Variants in XPA observed in about 807,000 individuals in gnomAD.
XPA encodes the protein DNA repair protein complementing XP-A cells.
XPA carries 27 observed loss-of-function variants against 35.7 expected under a neutral mutation model. The observed-to-expected ratio is 0.76, with a 90% CI of 0.56 to 1.04. The LOEUF is 1.04. Ranked by LOEUF, XPA falls within the 50% of genes least tolerant of loss-of-function variation. The pLI is 0.00. For missense variants in XPA, 354 were observed against 342.7 expected, an observed-to-expected ratio of 1.03 and a Z score of -0.26; for synonymous variants, 133 against 118.4, an observed-to-expected ratio of 1.12 and a Z score of -0.80.
At chr9:97,666,791 A>G in the XPA span, 11 of 1,608,442 alleles carry the variant, frequency 6.8e-6, no homozygotes, top group South Asian at 1.1e-5. Flanking sequence ...TTTGCACTCT[A>G]CAATTCGTAA....
chr9:97,662,906 T>A, the XPA span: 2 of 1,366,598 alleles, frequency 1.5e-6, no homozygotes, highest in Non-Finnish European at 2.0e-6. Context: ...CACTAAAATG[T>A]TTAATGAATA....
chr9:97,666,929 T>C, the XPA span: 1 of 1,274,546 alleles, frequency 7.8e-7, no homozygotes. Flanking sequence ...CCAGAAACTC[T>C]GGAGAGGATT....
At chr9:97,694,571 T>A (rs1828987413) in intron 1 of XPA, among the ~76,000 whole-genome samples, 1 of 152,214 alleles carries the variant, frequency 6.6e-6, no homozygotes, top group African/African-American at 2.4e-5. Flanking sequence ...TGAAGTATCA[T>A]TAGACTCTCA....
At chr9:97,691,006 T>C (rs989901796) in intron 2 of XPA, among the ~76,000 whole-genome samples, 8 of 152,250 alleles carry the variant, frequency 5.3e-5, no homozygotes, top group Non-Finnish European at 1.0e-4. Context: ...GGGGCCATTA[T>C]TCTGCCCACC....
downstream of XPA, chr9:97,671,584 G>A (rs377651329): frequency 5.1e-5 from 8 of 157,900 alleles, no homozygotes; most frequent in African/African-American, 7.2e-5. Flanking sequence ...TTCACAGCTC[G>A]GGGATGAATT....
At chr9:97,686,236 G>A (rs1240504845) in intron 4 of XPA, among the ~76,000 whole-genome samples, 1 of 152,128 alleles carries the variant, frequency 6.6e-6, no homozygotes, top group Non-Finnish European at 1.5e-5. Flanking sequence ...AGCACAAAAA[G>A]AATATTACAA....
At chr9:97,663,696 G>T in the XPA span, among the ~76,000 whole-genome samples, 2 of 151,730 alleles carry the variant, frequency 1.3e-5, no homozygotes, top group Admixed American at 1.3e-4. Flanking sequence ...TGTTGGCCAG[G>T]CTGGTCTGGA....
At chr9:97,680,210 T>C (rs1271269523) in intron 5 of XPA, among the ~76,000 whole-genome samples, 4 of 152,122 alleles carry the variant, frequency 2.6e-5, no homozygotes, top group African/African-American at 7.2e-5. Context: ...AAGAACACCA[T>C]TGTTTTTTGT....
At chr9:97,669,763 A>C in the XPA span, 1 of 1,253,774 alleles carries the variant, frequency 8.0e-7, no homozygotes, top group South Asian at 1.2e-5. Context: ...AAGATTTTTC[A>C]TTAAAAAAAA....
chr9:97,666,880 A>C, the XPA span: 1 of 1,578,238 alleles, frequency 6.3e-7, no homozygotes, highest in Admixed American at 1.8e-5. Context: ...ACAAACGGGT[A>C]AGTTTTGTGT....
Position 97,689,630 on chromosome 9 carries a change from A to C in XPA, c.293T>G (p.Met98Arg). 6.2e-7 allele frequency: 1 copy of C among 1,600,248 alleles called. No homozygotes were observed. Among genetic ancestry groups the C allele is most frequent in the Non-Finnish European group, 8.6e-7 (1 of 1,167,910 alleles). Residue 98 changes from methionine (M) to arginine (R), a missense_variant, in exon 3 of 6, where the codon ATG becomes AGG. Coordinates refer to ENST00000375128, the MANE Select transcript of XPA (RefSeq NM_000380.4). ...GKVVHQPGPV[M>R]EFDYVICEEC... ...TTCGCATATTACATAATCAAATTCC[A>C]TAACAGGTCCTAAGAAAAGGAAAAT...
the XPA span, among the ~76,000 whole-genome samples, chr9:97,668,235 T>C: frequency 6.6e-6 from 1 of 152,068 alleles, no homozygotes; most frequent in East Asian, 1.9e-4. Flanking sequence ...CCTCTCAGCC[T>C]TTTTTCTCTG....
intron 5 of XPA, among the ~76,000 whole-genome samples, chr9:97,684,193 A>G (rs1356795276): frequency 3.9e-5 from 6 of 152,230 alleles, no homozygotes; most frequent in Non-Finnish European, 7.3e-5. Flanking sequence ...TCCAGAATTT[A>G]TGTTAGCACA....
downstream of XPA, chr9:97,671,301 C>G: frequency 1.2e-6 from 1 of 832,978 alleles, no homozygotes; most frequent in Non-Finnish European, 1.9e-6. Context: ...TATCCTTTCA[C>G]TTCTTAAAGG....
At chr9:97,662,282 G>A in the XPA span, 1 of 628,942 alleles carries the variant, frequency 1.6e-6, no homozygotes. Flanking sequence ...GTTTGGGTTT[G>A]TGGTAGCTGA....
intron 4 of XPA, 84 bp from the exon 5 acceptor site, chr9:97,685,124 C>G: frequency 9.3e-7 from 1 of 1,070,850 alleles, no homozygotes; most frequent in Non-Finnish European, 1.4e-6. Context: ...CCAAAGGTAC[C>G]AAAGAATGAT....
rs1564035412 is a variant in XPA at position 97,675,058 on chromosome 9, A to ATTTGT, written c.*376_*380dup. 1 of 533,336 alleles carries ATTTGT rather than the reference A, an allele frequency of 1.9e-6. No individual in the cohort carries two copies. Among genetic ancestry groups the ATTTGT allele is most frequent in the African/African-American group, 1.9e-5 (1 of 53,726 alleles). The allele number at this position is 533,336 out of a possible 1,614,324, so 33.0% of individuals were successfully genotyped here. On this transcript the variant is annotated 3_prime_UTR_variant, in exon 6 of 6. Coordinates refer to ENST00000375128, the MANE Select transcript of XPA (RefSeq NM_000380.4). ...ACAGTGGTGCACCACCATTGCTATT[A>ATTTGT]TTTGTTTCTTGGTTAAGAATCCAGT...
the XPA span, among the ~76,000 whole-genome samples, chr9:97,665,137 G>A: frequency 1.3e-5 from 2 of 152,216 alleles, no homozygotes; most frequent in Non-Finnish European, 2.9e-5. Context: ...CTTTTCCACT[G>A]TATCTGTTAC....
chr9:97,664,071 C>T, the XPA span, among the ~76,000 whole-genome samples: 1 of 151,846 alleles, frequency 6.6e-6, no homozygotes, highest in Admixed American at 6.6e-5. Context: ...CTGAGCTGCT[C>T]AGGAGGTTGA....
Sources: gnomAD v4.1 joint callset for allele counts (sites outside exome capture counted in the v4.1 genomes callset) on GRCh38, gnomAD v4.1.1 for gene constraint, MANE v1.5 for transcripts, NCBI Gene and HGNC (gene_info 2026-07-23, HGNC 2026-07-21) for gene names.